IGSF10: variants seen among roughly 807,000 people sequenced by gnomAD.
IGSF10 encodes the protein immunoglobulin superfamily member 10.
IGSF10 carries 126 observed loss-of-function variants against 128.2 expected under a neutral mutation model. That is an observed-to-expected ratio of 0.98 (90% CI 0.85 to 1.14). IGSF10 has a LOEUF of 1.14. IGSF10 is among the 50% of genes most tolerant of loss of function. The pLI is 0.00. For missense variants in IGSF10, 3,295 were observed against 3,149.8 expected, an observed-to-expected ratio of 1.05 and a Z score of -1.10; for synonymous variants, 1,185 against 1,146.2, an observed-to-expected ratio of 1.03 and a Z score of -0.68.
At position 151,437,172 on chromosome 3, in the gene IGSF10, A is replaced by T. The variant is rs370357399; in HGVS notation, c.7389T>A (p.Asn2463Lys). The T allele has an allele frequency of 1.4e-5, 22 of 1,614,192 alleles. No homozygotes were observed. In the African/African-American group the frequency reaches 2.7e-4, roughly 20 times the overall value. ...HCVSDGIPKP[N>K]IKWTMPSGYV... ...AACCACTTGGCATAGTCCATTTGAT[A>T]TTTGGCTTAGGGATTCCATCAGACA... Residue 2463 changes from asparagine to lysine, a missense_variant, in exon 8 of 8, where the codon AAT becomes AAA. By Grantham distance (94) the Asn-to-Lys change is moderately conservative. Coordinates refer to ENST00000282466, the MANE Select transcript of IGSF10 (RefSeq NM_178822.5).
At chr3:151,559,242 G>GGCAC in the IGSF10 span, among the ~76,000 whole-genome samples, 3 of 152,136 alleles carry the variant, frequency 2.0e-5, no homozygotes, top group African/African-American at 7.2e-5. Flanking sequence ...TGAAAGCACA[G>GGCAC]GCACGTACCT....
At chr3:151,575,237 T>A in the IGSF10 span, among the ~76,000 whole-genome samples, 1 of 142,660 alleles carries the variant, frequency 7.0e-6, no homozygotes, top group Non-Finnish European at 1.5e-5. Flanking sequence ...CATCCTGGGA[T>A]AACTACTGCT....
the IGSF10 span, among the ~76,000 whole-genome samples, chr3:151,540,913 G>C: frequency 6.6e-6 from 1 of 152,134 alleles, no homozygotes; most frequent in East Asian, 1.9e-4. Flanking sequence ...GCTCTCTGAG[G>C]ATCTCCTCAG....
chr3:151,607,853 G>GAACC, the IGSF10 span, among the ~76,000 whole-genome samples: 1 of 135,818 alleles, frequency 7.4e-6, no homozygotes, highest in Non-Finnish European at 1.5e-5. Flanking sequence ...AGATCTTGCA[G>GAACC]TGAGCTGAGA....
chr3:151,441,057 A>C (rs1420714857), intron 7 of IGSF10, among the ~76,000 whole-genome samples: 1 of 152,254 alleles, frequency 6.6e-6, no homozygotes, highest in Non-Finnish European at 1.5e-5. Flanking sequence ...TTTTAAGAAC[A>C]GATTGCTTAT....
chr3:151,598,261 G>A, the IGSF10 span, among the ~76,000 whole-genome samples: 1 of 152,166 alleles, frequency 6.6e-6, no homozygotes, highest in Non-Finnish European at 1.5e-5. Flanking sequence ...ACATCTGTAT[G>A]AGCAAATTCT....
At chr3:151,541,304 T>G in the IGSF10 span, among the ~76,000 whole-genome samples, 6 of 152,184 alleles carry the variant, frequency 3.9e-5, no homozygotes, top group African/African-American at 1.4e-4. Context: ...TTCAAGACAG[T>G]ATATCTTTAC....
the IGSF10 span, among the ~76,000 whole-genome samples, chr3:151,514,397 T>C: frequency 6.6e-6 from 1 of 152,306 alleles, no homozygotes; most frequent in African/African-American, 2.4e-5. Context: ...TAAATGGTGC[T>C]GGGAAAACTG....
chr3:151,514,121 C>T, the IGSF10 span, among the ~76,000 whole-genome samples: 1 of 152,012 alleles, frequency 6.6e-6, no homozygotes, highest in Non-Finnish European at 1.5e-5. Context: ...GAAAAAAATA[C>T]TTTAAAGTTC....
At position 151,446,109 on chromosome 3, in the gene IGSF10, A is replaced by T. The variant is rs750338336; in HGVS notation, c.3872T>A (p.Phe1291Tyr). ...GSLPTKKELP[F>Y]PPLNPMLPSI... ...AGGAAGCATAGGGTTAAGGGGTGGG[A>T]AGGGAAGCTCCTTCTTTGTTGGAAG... Residue 1291 changes from phenylalanine to tyrosine, a missense_variant, in exon 6 of 8, where the codon TTC (phenylalanine) becomes TAC (tyrosine). Phe to Tyr is a conservative substitution (Grantham distance 22). Coordinates refer to ENST00000282466, the MANE Select transcript of IGSF10 (RefSeq NM_178822.5). The T allele has an allele frequency of 6.2e-7, 1 of 1,614,182 alleles. No individual in the cohort carries two copies. The highest frequency in any genetic ancestry group is 8.5e-7 in the Non-Finnish European group (1 of 1,180,044).
the IGSF10 span, among the ~76,000 whole-genome samples, chr3:151,536,111 A>AT: frequency 5.3e-4 from 80 of 151,926 alleles, no homozygotes; most frequent in African/African-American, 1.8e-3. Context: ...TCCTAGGGGG[A>AT]TTAAGGGGAT....
the IGSF10 span, among the ~76,000 whole-genome samples, chr3:151,526,500 G>A: frequency 1.3e-5 from 2 of 151,994 alleles, no homozygotes; most frequent in Admixed American, 6.5e-5. Flanking sequence ...GTCTCTTTGA[G>A]TTCAGAGTAT....
At chr3:151,600,166 G>A in the IGSF10 span, among the ~76,000 whole-genome samples, 1 of 151,330 alleles carries the variant, frequency 6.6e-6, no homozygotes, top group Non-Finnish European at 1.5e-5. Context: ...CATTCATATT[G>A]GCATTTTTTA....
chr3:151,494,482 T>A, the IGSF10 span, among the ~76,000 whole-genome samples: 1 of 152,032 alleles, frequency 6.6e-6, no homozygotes, highest in South Asian at 2.1e-4. Context: ...AAAATTTGGA[T>A]TTTTTTCTTC....
intron 7 of IGSF10, 81 bp from the exon 8 acceptor site, chr3:151,438,678 C>T: frequency 9.5e-7 from 1 of 1,048,398 alleles, no homozygotes; most frequent in Non-Finnish European, 1.4e-6. Flanking sequence ...CCTCCCTCTG[C>T]CCCAGCTTTA....
the IGSF10 span, among the ~76,000 whole-genome samples, chr3:151,493,853 AAAC>A: frequency 4.2e-4 from 2 of 4,812 alleles, no homozygotes; most frequent in Non-Finnish European, 7.9e-4. Context: ...TTTGTTTAAA[AAAC>A]AAACAAACAA....
At chr3:151,466,460 A>G in the IGSF10 span, among the ~76,000 whole-genome samples, 2 of 152,184 alleles carry the variant, frequency 1.3e-5, no homozygotes, top group African/African-American at 4.8e-5. Context: ...TTGGGTAGGT[A>G]CTTTATTTTT....
At chr3:151,458,042 A>T (rs998613745) in intron 3 of IGSF10, among the ~76,000 whole-genome samples, 3 of 152,106 alleles carry the variant, frequency 2.0e-5, no homozygotes, top group Non-Finnish European at 4.4e-5. Context: ...TATTTTTAAA[A>T]ATTTAATTAG....
chr3:151,537,303 C>CA, the IGSF10 span, among the ~76,000 whole-genome samples: 10 of 152,116 alleles, frequency 6.6e-5, no homozygotes, highest in Admixed American at 6.6e-4. Flanking sequence ...TACTTTCTCT[C>CA]AAAGGTAGAC....
Sources: gnomAD v4.1 joint callset for allele counts (sites outside exome capture counted in the v4.1 genomes callset) on GRCh38, gnomAD v4.1.1 for gene constraint, MANE v1.5 for transcripts, NCBI Gene and HGNC (gene_info 2026-07-23, HGNC 2026-07-21) for gene names.